Variants in TPO observed in about 807,000 individuals in gnomAD.
TPO encodes the protein thyroid microsomal antigen.
A neutral mutation model predicts 96.9 loss-of-function variants in TPO; 78 were observed. That is an observed-to-expected ratio of 0.81 (90% CI 0.67 to 0.97). The LOEUF is 0.97. Among genes scored for constraint, TPO ranks in the 50% least tolerant of loss-of-function variants. The probability of loss-of-function intolerance (pLI) is 0.00; values close to 1 mark genes in which losing one functional copy is unlikely to be tolerated. For missense variants in TPO, 1,252 were observed against 1,274.8 expected, an observed-to-expected ratio of 0.98 and a Z score of 0.27; for synonymous variants, 547 against 538.0, an observed-to-expected ratio of 1.02 and a Z score of -0.23.
At chr2:1,536,888 CA>C in intron 15 of TPO, among the ~76,000 whole-genome samples, 1 of 132,012 alleles carries the variant, frequency 7.6e-6, no homozygotes, top group African/African-American at 3.1e-5. Flanking sequence ...CCACTCTGTG[CA>C]ACCTCCCCAA....
In TPO at chr2:1,456,580, C is replaced by CAT. The variant is rs749449406; in HGVS notation, c.819+308_819+309dup. ...CATAGCATGTATGATACTGTGGGTA[C>CAT]ATATATATATAGCATGCATGATAGT... On this transcript the variant is annotated intron_variant, in intron 7 of 16. Transcript: ENST00000329066. Among the ~76,000 whole-genome samples the CAT allele has an allele frequency of 2.0e-4, 29 of 147,582 alleles. 3 individuals are homozygous for CAT. The highest frequency in any genetic ancestry group is 6.9e-4 in the African/African-American group (27 of 39,294).
At chr2:1,495,671 T>G (rs915724188) in intron 11 of TPO, among the ~76,000 whole-genome samples, 1 of 152,216 alleles carries the variant, frequency 6.6e-6, no homozygotes, top group Non-Finnish European at 1.5e-5. Context: ...GTGCTGCCCC[T>G]CCACATCTCC....
intron 1 of TPO, among the ~76,000 whole-genome samples, chr2:1,394,488 C>A (rs1662049371): frequency 6.6e-6 from 1 of 152,320 alleles, no homozygotes; most frequent in East Asian, 1.9e-4. Context: ...AATGGTCAGG[C>A]AGGTGCCTGG....
At chr2:1,514,352 C>A (rs1674464762) in intron 14 of TPO, among the ~76,000 whole-genome samples, 1 of 152,216 alleles carries the variant, frequency 6.6e-6, no homozygotes, top group Non-Finnish European at 1.5e-5. Flanking sequence ...GGAATAATGT[C>A]TAATCTGGGC....
chr2:1,390,019 C>CTT (rs5828818), intron 1 of TPO, among the ~76,000 whole-genome samples: 36 of 138,080 alleles, frequency 2.6e-4, no homozygotes, highest in Middle Eastern at 3.7e-3. Context: ...TCTTTCTTTT[C>CTT]TTTTTTTTTT....
In TPO at chr2:1,384,543, A is replaced by G. The variant is rs59303975; in HGVS notation, n.180+10141A>G. Among the ~76,000 whole-genome samples, 170 of 152,218 alleles carry G rather than the reference A, an allele frequency of 1.1e-3. 1 individual carries two copies. Among genetic ancestry groups the G allele is most frequent in the African/African-American group, 4.0e-3 (168 of 41,534 alleles). ...TTTTTGGTGTATAAGAATGCTTGTGATTTTTGCACATTGATTTTGTATCCT... is the reference window on the plus strand; with the variant it reads ...TTTTTGGTGTATAAGAATGCTTGTGGTTTTTGCACATTGATTTTGTATCCT... On this transcript the variant is annotated intron_variant and non_coding_transcript_variant, in intron 1 of 5. Coordinates refer to the TPO transcript ENST00000497517.
At chr2:1,541,362 GTTTTT>G (rs78541132) in intron 16 of TPO, 1 of 199,008 alleles carries the variant, frequency 5.0e-6, no homozygotes, top group Non-Finnish European at 9.2e-6. Flanking sequence ...AAAACAATAG[GTTTTT>G]TTTTTTTTGA....
intron 5 of TPO, among the ~76,000 whole-genome samples, chr2:1,446,607 A>G (rs1378038126): frequency 2.0e-5 from 3 of 152,094 alleles, no homozygotes; most frequent in Non-Finnish European, 4.4e-5. Flanking sequence ...CTTTTTCGGG[A>G]TGTGCCAGTT....
intron 1 of TPO, among the ~76,000 whole-genome samples, chr2:1,407,076 G>A (rs1198544518): frequency 6.6e-6 from 1 of 152,168 alleles, no homozygotes; most frequent in Non-Finnish European, 1.5e-5. Flanking sequence ...GTGACTGCAA[G>A]GGTTTGTAAG....
intron 7 of TPO, among the ~76,000 whole-genome samples, chr2:1,461,193 C>T (rs17731501): frequency 0.34 from 51,988 of 151,916 alleles, 9,448 homozygotes; most frequent in South Asian, 0.45. Flanking sequence ...ATCCTGGGCA[C>T]GTTCTGCTGG....
intron 14 of TPO, among the ~76,000 whole-genome samples, chr2:1,511,665 C>T (rs1674145648): frequency 6.6e-6 from 1 of 152,198 alleles, no homozygotes; most frequent in Admixed American, 6.5e-5. Context: ...CATGTCCTCC[C>T]AGGGCAGTCC....
In TPO at chr2:1,456,122, T is replaced by C. The variant is rs1175907665; in HGVS notation, c.659T>C (p.Val220Ala). 2 of 1,613,952 alleles carry C rather than the reference T, an allele frequency of 1.2e-6. No individual in the cohort carries two copies. ...RHVIQVSNEV[V>A]TDDDRYSDLL... is the part of the protein sequence containing the mutation. ...GTCATTCAAGTTTCAAATGAGGTTG[T>C]CACAGATGATGACCGCTATTCTGAC... Residue 220 changes from valine (V) to alanine (A), a missense_variant, in exon 7 of 17, where the codon GTC becomes GCC. Coordinates refer to ENST00000329066, the MANE Select transcript of TPO (RefSeq NM_001206744.2).
At chr2:1,470,993 G>C (rs1334996377) in intron 7 of TPO, among the ~76,000 whole-genome samples, 1 of 152,198 alleles carries the variant, frequency 6.6e-6, no homozygotes. Context: ...GATTGAATTT[G>C]CTAATATTTT....
At chr2:1,393,341 G>A (rs1422915283) in intron 1 of TPO, among the ~76,000 whole-genome samples, 1 of 152,176 alleles carries the variant, frequency 6.6e-6, no homozygotes, top group Non-Finnish European at 1.5e-5. Context: ...CTCCCACCAG[G>A]CCCACCAGGC....
At position 1,498,859 on chromosome 2, in the gene TPO, G is replaced by A. The variant is rs190730654; in HGVS notation, c.2386+2094G>A. On this transcript the variant is annotated intron_variant, in intron 13 of 16. Coordinates refer to ENST00000329066, the MANE Select transcript of TPO (RefSeq NM_001206744.2). ...AAGGTTTTCCTGTTCCCTTGGCTTA[G>A]AGACTGCACAAACTTGAAACGGCCA... 2.3e-3 allele frequency among the ~76,000 whole-genome samples: 356 copies of A among 152,256 alleles called. 2 individuals carry two copies. Among genetic ancestry groups the A allele is most frequent in the African/African-American group, 8.2e-3 (340 of 41,532 alleles).
intron 10 of TPO, among the ~76,000 whole-genome samples, chr2:1,489,751 G>A (rs1405717438): frequency 1.3e-5 from 2 of 152,356 alleles, no homozygotes; most frequent in East Asian, 1.9e-4. Context: ...TAAGACCAGC[G>A]CACAGCCCGA....
At chr2:1,393,503 G>A (rs1249844227) in intron 1 of TPO, among the ~76,000 whole-genome samples, 1 of 152,214 alleles carries the variant, frequency 6.6e-6, no homozygotes. Flanking sequence ...GGGCTGGTCA[G>A]GTGGGGGACC....
chr2:1,466,252 T>C (rs529048033), intron 7 of TPO, among the ~76,000 whole-genome samples: 1 of 152,334 alleles, frequency 6.6e-6, no homozygotes, highest in South Asian at 2.1e-4. Flanking sequence ...CACCTGATCA[T>C]GGTGGATTAT....
At chr2:1,384,782 C>T (rs1467743664) in intron 1 of TPO, among the ~76,000 whole-genome samples, 2 of 152,142 alleles carry the variant, frequency 1.3e-5, no homozygotes, top group Non-Finnish European at 2.9e-5. Context: ...GCATCCCTGT[C>T]TTGTGCCAGT....
Sources: gnomAD v4.1 joint callset for allele counts (sites outside exome capture counted in the v4.1 genomes callset) on GRCh38, gnomAD v4.1.1 for gene constraint, MANE v1.5 for transcripts, NCBI Gene and HGNC (gene_info 2026-07-23, HGNC 2026-07-21) for gene names.